Variants in ZC3H12B observed in about 807,000 individuals in gnomAD.
ZC3H12B encodes probable ribonuclease ZC3H12B.
ZC3H12B carries 7 observed loss-of-function variants against 43.9 expected under a neutral mutation model. The observed-to-expected ratio is 0.16, with a 90% CI of 0.09 to 0.30. ZC3H12B has a LOEUF of 0.30. Ranked by LOEUF, ZC3H12B falls within the 10% of genes least tolerant of loss-of-function variation. ZC3H12B has a pLI of 1.00. For synonymous variants in ZC3H12B, 222 were observed against 241.7 expected, an observed-to-expected ratio of 0.92 and a Z score of 0.76; for missense variants, 475 against 670.2, an observed-to-expected ratio of 0.71 and a Z score of 3.22.
At chrX:65,133,131 G>A in the ZC3H12B span, among the ~76,000 whole-genome samples, 12 of 111,501 alleles carry the variant, frequency 1.1e-4, no homozygotes, top group East Asian at 2.8e-4. Flanking sequence ...GGAGGAATGC[G>A]TGGCCACTGT....
chrX:65,371,422 C>T (rs900597098), intron 2 of ZC3H12B, among the ~76,000 whole-genome samples: 5 of 111,437 alleles, frequency 4.5e-5, no homozygotes, highest in Non-Finnish European at 5.7e-5. Flanking sequence ...TGGTCTATTT[C>T]TAAGCCCAGT....
the ZC3H12B span, among the ~76,000 whole-genome samples, chrX:65,279,369 G>T: frequency 1.5e-4 from 15 of 98,638 alleles, no homozygotes; most frequent in Admixed American, 4.5e-4. Context: ...ATTTTGGTTT[G>T]ATTTGCATTT....
chrX:65,043,543 T>C, the ZC3H12B span, among the ~76,000 whole-genome samples: 1 of 110,882 alleles, frequency 9.0e-6, no homozygotes, highest in Admixed American at 9.6e-5. Flanking sequence ...TTGTGGTTTC[T>C]AGTTTTTCCT....
chrX:65,350,926 A>T, the ZC3H12B span, among the ~76,000 whole-genome samples: 1 of 112,091 alleles, frequency 8.9e-6, no homozygotes, highest in Admixed American at 9.4e-5. Flanking sequence ...TGCTATCCCC[A>T]TCAAGCTACC....
chrX:65,409,661 T>C (rs2066879975), intron 3 of ZC3H12B, among the ~76,000 whole-genome samples: 1 of 109,760 alleles, frequency 9.1e-6, no homozygotes, highest in Non-Finnish European at 1.9e-5. Context: ...AAAAATCAAT[T>C]GCATTTCTAC....
the ZC3H12B span, among the ~76,000 whole-genome samples, chrX:65,114,018 T>C: frequency 1.7e-4 from 13 of 74,724 alleles, no homozygotes; most frequent in African/African-American, 4.9e-4. Flanking sequence ...TATATATATA[T>C]ATATATATTC....
chrX:65,365,060 G>T (rs1280952789), upstream of ZC3H12B, among the ~76,000 whole-genome samples: 5 of 111,079 alleles, frequency 4.5e-5, no homozygotes, highest in African/African-American at 6.6e-5. Context: ...GTCCAATAAC[G>T]GACTGTCCTT....
At chrX:65,165,439 C>G in the ZC3H12B span, among the ~76,000 whole-genome samples, 2 of 111,944 alleles carry the variant, frequency 1.8e-5, no homozygotes, top group Non-Finnish European at 3.8e-5. Context: ...TTGCCCCACA[C>G]TGCCGAAAGG....
the ZC3H12B span, among the ~76,000 whole-genome samples, chrX:65,086,168 T>C: frequency 1.8e-5 from 2 of 110,406 alleles, no homozygotes; most frequent in African/African-American, 6.6e-5. Flanking sequence ...TCTATGACCT[T>C]GGCACTTTTG....
At chrX:65,242,105 G>A in the ZC3H12B span, among the ~76,000 whole-genome samples, 1 of 110,576 alleles carries the variant, frequency 9.0e-6, no homozygotes, top group African/African-American at 3.3e-5. Context: ...CTAGGGGTGG[G>A]GGTTACTTTG....
At chrX:65,491,621 C>CT (rs1321889157) in intron 1 of ZC3H12B, among the ~76,000 whole-genome samples, 1 of 107,787 alleles carries the variant, frequency 9.3e-6, no homozygotes, top group Non-Finnish European at 1.9e-5. Flanking sequence ...GTGGGAGGTT[C>CT]TCTTGAGCTC....
chrX:65,488,017 G>A (rs1443105945), upstream of ZC3H12B, among the ~76,000 whole-genome samples: 7 of 111,301 alleles, frequency 6.3e-5, no homozygotes, highest in Non-Finnish European at 1.1e-4. Flanking sequence ...GACTATAGGC[G>A]TCCGTCACCA....
At chrX:65,194,167 C>G in the ZC3H12B span, among the ~76,000 whole-genome samples, 1 of 104,156 alleles carries the variant, frequency 9.6e-6, no homozygotes, top group South Asian at 4.6e-4. Context: ...AGACAGAGAT[C>G]CAAATCATAT....
At position 65,471,280 on chromosome X, in the gene ZC3H12B, A is replaced by T. The variant is rs899430899; in HGVS notation, n.408-17366A>T. 3.7e-5 allele frequency among the ~76,000 whole-genome samples: 4 copies of T among 109,432 alleles called. No individual in the cohort carries two copies. In the Admixed American group the frequency reaches 3.9e-4, roughly 11 times the overall value. On this transcript the variant is annotated intron_variant and non_coding_transcript_variant, in intron 3 of 5. Coordinates refer to the ZC3H12B transcript ENST00000617377. ...TAATAACCTTCTTTGTCTTTTTTTT[A>T]ACTGTTGTTGCTTTAAAGTCTATTC...
the ZC3H12B span, among the ~76,000 whole-genome samples, chrX:65,238,357 T>C: frequency 8.9e-6 from 1 of 112,082 alleles, no homozygotes; most frequent in East Asian, 2.8e-4. Flanking sequence ...TATCCATTTA[T>C]TCTACATTTT....
At chrX:65,213,370 A>G in the ZC3H12B span, among the ~76,000 whole-genome samples, 2 of 111,111 alleles carry the variant, frequency 1.8e-5, no homozygotes, top group Non-Finnish European at 3.8e-5. Context: ...AAATTATCTT[A>G]TGTGTCCCAA....
the ZC3H12B span, among the ~76,000 whole-genome samples, chrX:65,257,612 G>T: frequency 3.6e-5 from 4 of 109,728 alleles, no homozygotes; most frequent in Non-Finnish European, 5.7e-5. Flanking sequence ...AATAAAAAAA[G>T]AGAACCTTTA....
the ZC3H12B span, among the ~76,000 whole-genome samples, chrX:65,184,064 G>C: frequency 9.0e-6 from 1 of 110,975 alleles, no homozygotes; most frequent in South Asian, 3.8e-4. Flanking sequence ...AACTCCTATT[G>C]ATATTATATA....
chrX:65,344,776 C>A, the ZC3H12B span, among the ~76,000 whole-genome samples: 3 of 112,367 alleles, frequency 2.7e-5, no homozygotes, highest in African/African-American at 9.7e-5. Flanking sequence ...AGTAAACAGA[C>A]AACCTACAAA....
Sources: gnomAD v4.1 joint callset for allele counts (sites outside exome capture counted in the v4.1 genomes callset) on GRCh38, gnomAD v4.1.1 for gene constraint, MANE v1.5 for transcripts, NCBI Gene and HGNC (gene_info 2026-07-23, HGNC 2026-07-21) for gene names.